RPS6KA6: variants seen among roughly 807,000 people sequenced by gnomAD.
RPS6KA6 encodes ribosomal protein S6 kinase A6, also known as ribosomal protein S6 kinase alpha-6.
Under a neutral mutation model 65.4 loss-of-function variants are expected in RPS6KA6, and 27 were observed. The observed-to-expected ratio is 0.41, with a 90% CI of 0.30 to 0.57. The LOEUF is 0.57. RPS6KA6 is among the 20% of genes least tolerant of loss of function. RPS6KA6 has a pLI of 0.24. For synonymous variants in RPS6KA6, 190 were observed against 184.2 expected (o/e 1.03, Z -0.26); for missense variants, 486 against 555.6 (o/e 0.87, Z 1.26).
chrX:84,167,176 A>T (rs1163102402), intron 1 of RPS6KA6, among the ~76,000 whole-genome samples: 1 of 111,924 alleles, frequency 8.9e-6, no homozygotes, highest in Non-Finnish European at 1.9e-5. Flanking sequence ...GATTTCTCGT[A>T]AGAAATCATG....
chrX:84,129,651 G>T (rs144224382), intron 8 of RPS6KA6, among the ~76,000 whole-genome samples: 182 of 111,752 alleles, frequency 1.6e-3, no homozygotes, highest in African/African-American at 5.5e-3. Flanking sequence ...ATACACAACA[G>T]AGTACTATTC....
chrX:84,105,743 T>C, intron 16 of RPS6KA6, 44 bp downstream of exon 16: 1 of 769,803 alleles, frequency 1.3e-6, no homozygotes, highest in Non-Finnish European at 1.9e-6. Flanking sequence ...TTCCAATTCA[T>C]AACTTCATTA....
At chrX:84,188,366 A>G (rs1473660656), upstream of RPS6KA6, among the ~76,000 whole-genome samples, 2 of 100,294 alleles carry the variant, frequency 2.0e-5, no homozygotes, top group Non-Finnish European at 4.1e-5. Context: ...AGGGGGCGGG[A>G]TAGAGGGGCG....
At chrX:84,111,625 G>A (rs1233129216) in intron 12 of RPS6KA6, among the ~76,000 whole-genome samples, 2 of 111,086 alleles carry the variant, frequency 1.8e-5, no homozygotes, top group African/African-American at 3.3e-5. Context: ...GTCATTAACC[G>A]AAAAGAAAAC....
intron 18 of RPS6KA6, among the ~76,000 whole-genome samples, chrX:84,099,209 C>A (rs1370872173): frequency 9.0e-6 from 1 of 110,777 alleles, no homozygotes; most frequent in African/African-American, 3.3e-5. Context: ...GACAGACTTG[C>A]GCAGGAGGTG....
Position 84,106,947 on chromosome X carries a change from G to T in RPS6KA6, c.1205C>A (p.Thr402Asn), listed in dbSNP as rs1194905372. The change falls in exon 14 of 22, where the codon ACT becomes AAT. Residue 402 changes from threonine (T) to asparagine (N), a missense_variant. By Grantham distance (65) the Thr-to-Asn change is moderately conservative. This residue lies in a region of RPS6KA6 where 345 missense variants were observed against 375.0 expected (regional missense o/e 0.92). Transcript: ENST00000262752. ...TAATACATTTGCACTTGTGATAGGA[G>T]TGATTTTATATTCTTCTGCAATAGA... ...ATSIAEEYKITPITSANVLPI... is the reference protein window; with the variant it reads ...ATSIAEEYKINPITSANVLPI... 1.7e-6 allele frequency: 2 copies of T among 1,190,747 alleles called. No homozygotes were observed. Among genetic ancestry groups the T allele is most frequent in the Non-Finnish European group, 2.3e-6 (2 of 880,386 alleles).
At chrX:84,080,016 G>A (rs113145823) in intron 20 of RPS6KA6, among the ~76,000 whole-genome samples, 2,275 of 111,303 alleles carry the variant, frequency 0.02, 31 homozygotes, top group Non-Finnish European at 0.034. Context: ...CCTGGCCCCC[G>A]TGCCTCCAGA....
Position 84,154,656 on chromosome X carries a change from C to T in RPS6KA6, c.258+1419G>A, listed in dbSNP as rs752455843. On this transcript the variant is annotated intron_variant, in intron 3 of 21. Coordinates refer to ENST00000262752, the MANE Select transcript of RPS6KA6 (RefSeq NM_014496.5). ...TTCTATAAACATTCCCCACCAACTT[C>T]ATCACCACCACCACCACCACCACCA... Among the ~76,000 whole-genome samples the T allele has an allele frequency of 7.3e-5, 8 of 110,229 alleles. No individual in the cohort carries two copies. In the South Asian group the frequency reaches 3.1e-3, roughly 43 times the overall value.
At chrX:84,161,578 T>C (rs1158171476) in intron 2 of RPS6KA6, among the ~76,000 whole-genome samples, 1 of 111,495 alleles carries the variant, frequency 9.0e-6, no homozygotes, top group African/African-American at 3.3e-5. Flanking sequence ...AAATCCACCA[T>C]ACAGAAAGCA....
At chrX:84,096,427 A>C in intron 19 of RPS6KA6, 116 bp from the exon 20 acceptor site, 1 of 343,580 alleles carries the variant, frequency 2.9e-6, no homozygotes, top group Non-Finnish European at 5.1e-6. Flanking sequence ...ATATCATCTC[A>C]TATTTCCTTT....
At position 84,116,290 on chromosome X, in the gene RPS6KA6, A is replaced by AT. The variant is rs753869963; in HGVS notation, c.950-4dup. 3 of 1,069,614 alleles carry AT rather than the reference A, an allele frequency of 2.8e-6. No homozygotes were observed. The highest frequency in any genetic ancestry group is 3.1e-5 in the East Asian group (1 of 31,916). The allele number at this position is 1,069,614 out of a possible 1,213,427, so 88.1% of individuals were successfully genotyped here. ...GATTTCTTCAACTCCTTCTGATCCT[A>AT]TAAAAAAAAGAAATGATATTTTATT... On this transcript the variant is annotated splice_polypyrimidine_tract_variant and splice_region_variant and intron_variant, in intron 11 of 21. Coordinates refer to ENST00000262752, the MANE Select transcript of RPS6KA6 (RefSeq NM_014496.5).
chrX:84,092,100 C>T (rs1162649160), intron 20 of RPS6KA6, among the ~76,000 whole-genome samples: 1 of 111,115 alleles, frequency 9.0e-6, no homozygotes, highest in African/African-American at 3.3e-5. Context: ...GGCTTATTAC[C>T]TAGGTGATGG....
At chrX:84,133,106 G>A (rs1236856786) in intron 8 of RPS6KA6, among the ~76,000 whole-genome samples, 1 of 111,736 alleles carries the variant, frequency 8.9e-6, no homozygotes, top group Admixed American at 9.5e-5. Context: ...TTATTGGAAC[G>A]CTAAGCATGT....
At chrX:84,101,658 G>A in intron 18 of RPS6KA6, among the ~76,000 whole-genome samples, 2 of 110,382 alleles carry the variant, frequency 1.8e-5, no homozygotes, top group Non-Finnish European at 3.8e-5. Flanking sequence ...TCCTAGCTTT[G>A]TTATTAAGTG....
At chrX:84,128,458 T>C (rs2034836422) in intron 8 of RPS6KA6, among the ~76,000 whole-genome samples, 1 of 110,849 alleles carries the variant, frequency 9.0e-6, no homozygotes, top group African/African-American at 3.3e-5. Context: ...TTAAACACAA[T>C]ACCTTTCAAA....
In RPS6KA6 at chrX:84,141,023, A is replaced by T. The variant is rs533401664; in HGVS notation, c.501+4455T>A. Among the ~76,000 whole-genome samples, 37 of 110,645 alleles carry T rather than the reference A, an allele frequency of 3.3e-4. 1 individual carries two copies. The South Asian group carries it at 0.014, about 41-fold the overall frequency. On this transcript the variant is annotated intron_variant, in intron 6 of 21. Transcript: ENST00000262752. ...TCCCACATGACAAAGCTTAAACACA[A>T]GGCCCAAAATGATCAAAGTGTTTAC...
At chrX:84,131,518 C>T (rs910571854) in intron 8 of RPS6KA6, among the ~76,000 whole-genome samples, 2 of 111,904 alleles carry the variant, frequency 1.8e-5, no homozygotes, top group African/African-American at 3.2e-5. Context: ...CTGAATATAA[C>T]ACAGCTTGTG....
At chrX:84,154,330 A>G (rs2035378522) in intron 3 of RPS6KA6, among the ~76,000 whole-genome samples, 1 of 111,290 alleles carries the variant, frequency 9.0e-6, no homozygotes, top group African/African-American at 3.3e-5. Context: ...TCATCTATGA[A>G]AGCCTTAAAT....
intron 9 of RPS6KA6, among the ~76,000 whole-genome samples, chrX:84,118,984 A>G (rs1302050281): frequency 1.8e-5 from 2 of 111,760 alleles, no homozygotes; most frequent in African/African-American, 6.5e-5. Flanking sequence ...TGGTTCTCCA[A>G]GTCTTTGCTA....
Sources: gnomAD v4.1 joint callset for allele counts (sites outside exome capture counted in the v4.1 genomes callset) on GRCh38, gnomAD v4.1.1 for gene constraint, gnomAD v4.1.1 regional missense constraint, MANE v1.5 for transcripts, NCBI Gene and HGNC (gene_info 2026-07-23, HGNC 2026-07-21) for gene names.